PCDH11X: variants seen among roughly 807,000 people sequenced by gnomAD.
The protein encoded by PCDH11X is protocadherin 11 X-linked, also known as protocadherin-11 X-linked.
In PCDH11X, 18 loss-of-function variants were observed where a neutral mutation model predicts 53.3. That is an observed-to-expected ratio of 0.34 (90% confidence interval 0.23 to 0.50). PCDH11X has a LOEUF of 0.50. Among genes scored for constraint, PCDH11X ranks in the 20% least tolerant of loss-of-function variants. The probability of loss-of-function intolerance (pLI) is 0.98; values close to 1 mark genes in which losing one functional copy is unlikely to be tolerated. For synonymous variants in PCDH11X, 279 were observed against 393.3 expected, an observed-to-expected ratio of 0.71 and a Z score of 3.44; for missense variants, 570 against 1,032.4, an observed-to-expected ratio of 0.55 and a Z score of 6.14.
chrX:92,486,607 A>G (rs142702968), intron 10 of PCDH11X, among the ~76,000 whole-genome samples: 1,426 of 111,972 alleles, frequency 0.013, 24 homozygotes, highest in African/African-American at 0.044. Context: ...AATAAAATGT[A>G]CTAACTCTAT....
chrX:91,984,650 G>A lies in PCDH11X; in HGVS notation c.3033+105377G>A, dbSNP rs1003906923. On this transcript the variant is annotated intron_variant, in intron 6 of 10. Coordinates refer to ENST00000682573, the MANE Select transcript of PCDH11X (RefSeq NM_032968.5). ...TTTTTACTTTAATATTTTACTTTAG[G>A]TATCCGTGGATCATGTGAGTAGTAT... Among the ~76,000 whole-genome samples, 3 of 110,646 alleles carry A rather than the reference G, an allele frequency of 2.7e-5. No individual in the cohort carries two copies. The Admixed American group carries it at 2.9e-4, about 11-fold the overall frequency.
intron 10 of PCDH11X, among the ~76,000 whole-genome samples, chrX:92,515,679 T>C (rs1275892558): frequency 8.9e-6 from 1 of 111,890 alleles, no homozygotes; most frequent in African/African-American, 3.2e-5. Flanking sequence ...GTACCCTTAC[T>C]TTTAGTTAAT....
At chrX:92,596,609 A>G (rs1602412718) in intron 10 of PCDH11X, among the ~76,000 whole-genome samples, 1 of 100,787 alleles carries the variant, frequency 9.9e-6, no homozygotes, top group Admixed American at 1.1e-4. Context: ...TGATGGCTTC[A>G]CTACTGAATT....
chrX:91,783,348 C>T (rs1393159088), intron 1 of PCDH11X, among the ~76,000 whole-genome samples: 1 of 111,870 alleles, frequency 8.9e-6, no homozygotes, highest in Non-Finnish European at 1.9e-5. Flanking sequence ...TTCCCCCTGG[C>T]TCCTTGGCCT....
At chrX:92,364,121 T>G (rs1162936866) in intron 8 of PCDH11X, among the ~76,000 whole-genome samples, 1 of 111,909 alleles carries the variant, frequency 8.9e-6, no homozygotes, top group African/African-American at 3.2e-5. Flanking sequence ...TTATAGTGTC[T>G]TAGTCTAGCT....
intron 6 of PCDH11X, among the ~76,000 whole-genome samples, chrX:91,996,262 G>C (rs750305615): frequency 9.9e-5 from 10 of 101,066 alleles, no homozygotes; most frequent in Admixed American, 3.4e-4. Context: ...TGATTCTCCT[G>C]CTCAGCCTCC....
intron 8 of PCDH11X, among the ~76,000 whole-genome samples, chrX:92,277,555 G>A (rs2068128563): frequency 9.2e-6 from 1 of 108,431 alleles, no homozygotes. Flanking sequence ...TAGAGAAATG[G>A]AGGGAAGGGG....
intron 7 of PCDH11X, among the ~76,000 whole-genome samples, chrX:92,254,697 T>C (rs1212609401): frequency 1.1e-4 from 12 of 108,438 alleles, no homozygotes; most frequent in Admixed American, 1.1e-3. Flanking sequence ...CCTTCACTTA[T>C]GAAGCTTAGT....
chrX:92,612,876 C>CT (rs942188561), intron 10 of PCDH11X, among the ~76,000 whole-genome samples: 10 of 110,028 alleles, frequency 9.1e-5, no homozygotes, highest in South Asian at 4.0e-4. Context: ...ATGTAATACC[C>CT]TTTTTTTTGT....
At chrX:91,781,771 C>G (rs1388981541) in intron 1 of PCDH11X, among the ~76,000 whole-genome samples, 1 of 112,072 alleles carries the variant, frequency 8.9e-6, no homozygotes, top group Admixed American at 9.3e-5. Flanking sequence ...TTGCCTTTGT[C>G]TGGTTCATCA....
intron 6 of PCDH11X, among the ~76,000 whole-genome samples, chrX:92,147,839 C>CTTTCTTTCTTTCTTTCTTTCT (rs2065305872): frequency 1.0e-5 from 1 of 96,130 alleles, no homozygotes; most frequent in Non-Finnish European, 2.0e-5. Context: ...TTCTTTCTTT[C>CTTTCTTTCTTTCTTTCTTTCT]TTTCTTTCTT....
intron 6 of PCDH11X, among the ~76,000 whole-genome samples, chrX:92,043,268 T>C (rs2063237752): frequency 9.1e-6 from 1 of 109,710 alleles, no homozygotes. Flanking sequence ...CATTGTAATT[T>C]CTGCAATTAG....
At chrX:92,454,394 C>G (rs1490703229) in intron 9 of PCDH11X, among the ~76,000 whole-genome samples, 2 of 109,923 alleles carry the variant, frequency 1.8e-5, no homozygotes, top group African/African-American at 6.6e-5. Context: ...AGACCTGAAA[C>G]ATACTAAATA....
At chrX:92,499,706 A>G (rs748428536) in intron 10 of PCDH11X, among the ~76,000 whole-genome samples, 3 of 94,919 alleles carry the variant, frequency 3.2e-5, no homozygotes, top group East Asian at 3.9e-4. Flanking sequence ...GTGGTATGTG[A>G]CTATAGTCCC....
chrX:92,489,429 T>C (rs2073712265), intron 10 of PCDH11X, among the ~76,000 whole-genome samples: 1 of 110,922 alleles, frequency 9.0e-6, no homozygotes, highest in South Asian at 3.8e-4. Context: ...AACTCGGGCA[T>C]ATTTACGCTT....
chrX:92,062,639 C>T lies in PCDH11X; in HGVS notation c.3034-138736C>T, dbSNP rs554897364. On this transcript the variant is annotated intron_variant, in intron 6 of 10. Transcript: ENST00000682573. Reference sequence around the variant, plus strand: ...ATTAGAGAAATGCAAATCAAAACCACAATGAGATACCATCTCATGCCAGTT... The same window carrying T: ...ATTAGAGAAATGCAAATCAAAACCATAATGAGATACCATCTCATGCCAGTT... Among the ~76,000 whole-genome samples the T allele has an allele frequency of 2.1e-4, 23 of 111,892 alleles. No individual in the cohort carries two copies. In the South Asian group the frequency reaches 8.7e-3, roughly 42 times the overall value.
chrX:91,949,693 T>G lies in PCDH11X; in HGVS notation c.3033+70420T>G, dbSNP rs1025095880. Among the ~76,000 whole-genome samples, 4 of 110,961 alleles carry G rather than the reference T, an allele frequency of 3.6e-5. No individual in the cohort carries two copies. The Admixed American group carries it at 3.9e-4, about 11-fold the overall frequency. ...ATCTTTAAAATTCATTCCAGACATA[T>G]TTGATGGTTTTGTATGTGATAATTT... On this transcript the variant is annotated intron_variant, in intron 6 of 10. Transcript: ENST00000682573.
At chrX:92,481,181 G>A (rs2073495905) in intron 10 of PCDH11X, among the ~76,000 whole-genome samples, 1 of 110,595 alleles carries the variant, frequency 9.0e-6, no homozygotes, top group Non-Finnish European at 1.9e-5. Flanking sequence ...TAAAGGTGGG[G>A]CTGCTGGGCT....
chrX:92,130,697 T>C (rs900093629), intron 6 of PCDH11X, among the ~76,000 whole-genome samples: 2 of 110,363 alleles, frequency 1.8e-5, no homozygotes, highest in African/African-American at 6.6e-5. Flanking sequence ...ATCAATATTA[T>C]TAAAGAAAAA....
Sources: gnomAD v4.1 joint callset for allele counts (sites outside exome capture counted in the v4.1 genomes callset) on GRCh38, gnomAD v4.1.1 for gene constraint, MANE v1.5 for transcripts, NCBI Gene and HGNC (gene_info 2026-07-23, HGNC 2026-07-21) for gene names.